The following ZFYVE16 variants were observed in gnomAD, a reference collection of about 807,000 sequenced individuals.
ZFYVE16 encodes zinc finger FYVE-type containing 16, also known as zinc finger FYVE domain-containing protein 16.
ZFYVE16 carries 89 observed loss-of-function variants against 138.1 expected under a neutral mutation model. The ratio of observed to expected loss-of-function variants is 0.64; its 90% CI spans 0.54 to 0.77. The LOEUF (loss-of-function observed/expected upper bound fraction) is 0.77. Among genes scored for constraint, ZFYVE16 ranks in the 30% least tolerant of loss-of-function variants. The probability of loss-of-function intolerance (pLI) is 0.00; values close to 1 mark genes in which losing one functional copy is unlikely to be tolerated. For missense variants in ZFYVE16, 1,793 were observed against 1,786.7 expected, an observed-to-expected ratio of 1.00 and a Z score of -0.06; for synonymous variants, 596 against 618.3, an observed-to-expected ratio of 0.96 and a Z score of 0.53.
At chr5:80,465,396 C>CTTTTTTTTTTTTTTTTTTTTTTT (rs1187412933) in intron 15 of ZFYVE16, among the ~76,000 whole-genome samples, 3 of 26,362 alleles carry the variant, frequency 1.1e-4, no homozygotes, top group African/African-American at 1.7e-4. Flanking sequence ...TTTTCCTTTT[C>CTTTTTTTTTTTTTTTTTTTTTTT]TTTGTTTTTT....
chr5:80,438,902 G>C lies in ZFYVE16; in HGVS notation c.2217G>C (p.Gln739His). The change falls in exon 4 of 19, where the codon CAG becomes CAC. Residue 739 changes from glutamine (Q) to histidine (H), a missense_variant. Transcript: ENST00000505560. Reference sequence around the variant, plus strand: ...GCAAAGAAGGCTTGGTTTTGGGCCAGAAACAGCCTACTTGGGTTCCTGATT... The same window carrying C: ...GCAAAGAAGGCTTGGTTTTGGGCCACAAACAGCCTACTTGGGTTCCTGATT... ...NTCKEGLVLG[Q>H]KQPTWVPDSE... is the part of the protein sequence containing the mutation. 2 of 1,614,100 alleles carry C rather than the reference G, an allele frequency of 1.2e-6. No homozygotes were observed. The highest frequency in any genetic ancestry group is 8.5e-7 in the Non-Finnish European group (1 of 1,179,960).
chr5:80,420,031 T>C (rs988460001), intron 1 of ZFYVE16, among the ~76,000 whole-genome samples: 4 of 151,144 alleles, frequency 2.6e-5, no homozygotes, highest in African/African-American at 7.3e-5. Context: ...AAGCTGGTCT[T>C]GAACTCCTGA....
chr5:80,407,836 A>G (rs924223544), upstream of ZFYVE16, among the ~76,000 whole-genome samples: 3 of 152,194 alleles, frequency 2.0e-5, no homozygotes, highest in Non-Finnish European at 4.4e-5. Flanking sequence ...CTAAGGTCGA[A>G]TCATCAGGCG....
intron 2 of ZFYVE16, among the ~76,000 whole-genome samples, chr5:80,433,435 C>G (rs926505684): frequency 6.6e-6 from 1 of 151,980 alleles, no homozygotes; most frequent in East Asian, 1.9e-4. Context: ...CAGGGCCTGT[C>G]GTGGTGTGGG....
chr5:80,453,302 C>T (rs1412302804), intron 11 of ZFYVE16, among the ~76,000 whole-genome samples: 2 of 152,178 alleles, frequency 1.3e-5, no homozygotes, highest in African/African-American at 4.8e-5. Context: ...TAAGAAATTT[C>T]ACTTTAAGCC....
intron 11 of ZFYVE16, chr5:80,454,474 T>G (rs1241554004): frequency 6.6e-6 from 1 of 152,250 alleles, no homozygotes; most frequent in Non-Finnish European, 1.5e-5. Context: ...CTTCCCTTTT[T>G]GTGCATTGGT....
At chr5:80,454,099 A>C (rs1045970816) in intron 11 of ZFYVE16, 3 of 152,172 alleles carry the variant, frequency 2.0e-5, no homozygotes, top group Admixed American at 2.0e-4. Flanking sequence ...TTTCAAATCT[A>C]GACCCTCTGT....
intron 11 of ZFYVE16, among the ~76,000 whole-genome samples, chr5:80,453,593 A>T (rs1561305627): frequency 6.6e-6 from 1 of 152,240 alleles, no homozygotes. Context: ...TGTCAGTTAT[A>T]CATAGAAGTT....
intron 14 of ZFYVE16, among the ~76,000 whole-genome samples, chr5:80,458,217 A>T (rs1752735557): frequency 6.6e-6 from 1 of 152,072 alleles, no homozygotes; most frequent in Non-Finnish European, 1.5e-5. Context: ...TGCCACTAAA[A>T]TTTAACAATT....
rs777392872 is a variant in ZFYVE16 at position 80,438,696 on chromosome 5, C to T, written c.2011C>T (p.Pro671Ser). ...SSKDLNKPDV[P>S]DTIESEPSTA... Reference sequence around the variant, plus strand: ...AAAGGACCTGAATAAGCCAGATGTTCCAGATACAATAGAAAGTGAACCCAG... The same window carrying T: ...AAAGGACCTGAATAAGCCAGATGTTTCAGATACAATAGAAAGTGAACCCAG... The change falls in exon 4 of 19, where the codon CCA becomes TCA. Residue 671 changes from proline to serine, a missense_variant. Pro to Ser is a moderately conservative substitution (Grantham distance 74). This residue lies in a region of ZFYVE16 where 1,295 missense variants were observed against 1,204.3 expected (regional missense o/e 1.08). Transcript: ENST00000505560. 1 of 1,614,062 alleles carries T rather than the reference C, an allele frequency of 6.2e-7. No individual in the cohort carries two copies. Among genetic ancestry groups the T allele is most frequent in the Non-Finnish European group, 8.5e-7 (1 of 1,179,964 alleles).
chr5:80,428,615 T>C lies in ZFYVE16; in HGVS notation c.-40+1070T>C, dbSNP rs1269967967. On this transcript the variant is annotated intron_variant, in intron 2 of 18. Transcript: ENST00000505560. The stretch of plus-strand genomic sequence containing the variant: ...AACAAAGCTGGACAGAGAATGACTT[T>C]GATGAGTTGAGAGAAGAAGGCTTCA... Among the ~76,000 whole-genome samples, 6 of 152,230 alleles carry C rather than the reference T, an allele frequency of 3.9e-5. No individual in the cohort carries two copies. In the South Asian group the frequency reaches 6.2e-4, roughly 16 times the overall value.
chr5:80,438,738 GTT>G lies in ZFYVE16; in HGVS notation c.2054_2055del (p.Val685AlafsTer11). On this transcript the variant is annotated frameshift_variant, in exon 4 of 19. Transcript: ENST00000505560. LOFTEE classifies it high-confidence loss of function. The stretch of plus-strand genomic sequence containing the variant: ...TGAACCCAGCACAGCAGATACCGTT[GTT>G]CCAATCACTTGTGCTATAGATTCTA... ...ESEPSTADTVVPITCAIDSTA... is the reference protein window; with the variant it reads ...ESEPSTADTVXPITCAIDSTA... The G allele has an allele frequency of 6.2e-7, 1 of 1,614,136 alleles. No individual in the cohort carries two copies. The highest frequency in any genetic ancestry group is 8.5e-7 in the Non-Finnish European group (1 of 1,179,988).
In ZFYVE16 at chr5:80,437,046, C is replaced by T. The variant is rs1410316756; in HGVS notation, c.361C>T (p.Arg121Ter). The part of the protein sequence containing the change: ...SDEIQPLYMG[R>*]CSKPICDLIS... ...TGAAATCCAGCCGTTATATATGGGA[C>T]GATGTAGTAAACCTATCTGTGATCT... is the stretch of plus-strand genomic sequence containing the variant. The change falls in exon 4 of 19, where the codon CGA becomes TGA. Residue 121 changes from arginine (R) to a stop codon, truncating the protein, a stop_gained. Coordinates refer to ENST00000505560, the MANE Select transcript of ZFYVE16 (RefSeq NM_001284236.3). LOFTEE classifies it high-confidence loss of function. The T allele has an allele frequency of 3.1e-6, 5 of 1,614,102 alleles. No individual in the cohort carries two copies. The highest frequency in any genetic ancestry group is 4.5e-5 in the East Asian group (2 of 44,870).
chr5:80,467,600 A>T (rs1350351865), intron 15 of ZFYVE16, among the ~76,000 whole-genome samples: 1 of 152,252 alleles, frequency 6.6e-6, no homozygotes, highest in Admixed American at 6.5e-5. Context: ...AGTTCAAAAA[A>T]GCCACATAAC....
At chr5:80,436,418 C>T (rs1179830313) in intron 3 of ZFYVE16, among the ~76,000 whole-genome samples, 1 of 152,148 alleles carries the variant, frequency 6.6e-6, no homozygotes, top group Non-Finnish European at 1.5e-5. Flanking sequence ...TTCGTTTATG[C>T]AGTCAGTTAG....
rs1303270551 is a variant in ZFYVE16 at position 80,478,288 on chromosome 5, T to G, written c.*911T>G. The G allele has an allele frequency of 6.6e-6, 1 of 152,074 alleles. No homozygotes were observed. The highest frequency in any genetic ancestry group is 2.4e-5 in the African/African-American group (1 of 41,428). The allele number at this position is 152,074 out of a possible 1,614,324, so 9.4% of individuals were successfully genotyped here. ...AGCAATAAATGAAGCCTGAAACAGG[T>G]TTTTTTACTTCCACTTTAATCCTTA... On this transcript the variant is annotated 3_prime_UTR_variant, in exon 19 of 19. Coordinates refer to ENST00000505560, the MANE Select transcript of ZFYVE16 (RefSeq NM_001284236.3).
At position 80,466,328 on chromosome 5, in the gene ZFYVE16, T is replaced by C. The variant is rs372562842; in HGVS notation, c.4025-6433T>C. On this transcript the variant is annotated intron_variant, in intron 15 of 18. Transcript: ENST00000505560. Reference sequence around the variant, plus strand: ...CATCAGACTGGGTAGTCTTAGTTGGTCTGTTTTCAAATTCACAAATTCTTC... The same window carrying C: ...CATCAGACTGGGTAGTCTTAGTTGGCCTGTTTTCAAATTCACAAATTCTTC... 3.3e-5 allele frequency among the ~76,000 whole-genome samples: 5 copies of C among 152,346 alleles called. No individual in the cohort carries two copies. In the East Asian group the frequency reaches 9.6e-4, roughly 29 times the overall value.
At chr5:80,450,297 A>G (rs138089711) in intron 9 of ZFYVE16, 134 bp from the exon 10 acceptor site, 58 of 788,888 alleles carry the variant, frequency 7.4e-5, no homozygotes, top group Non-Finnish European at 1.1e-4. Context: ...ATACAATTCA[A>G]TTTAAGGTTT....
Position 80,416,247 on chromosome 5 carries a change from A to ATTTTTT in ZFYVE16, c.-94+8115_-94+8120dup, listed in dbSNP as rs70988469. Among the ~76,000 whole-genome samples the ATTTTTT allele has an allele frequency of 3.9e-3, 286 of 73,332 alleles. 16 individuals are homozygous for ATTTTTT. Among genetic ancestry groups the ATTTTTT allele is most frequent in the African/African-American group, 0.011 (222 of 20,710 alleles). The allele number at this position is 73,332 out of a possible 152,430, so 48.1% of individuals were successfully genotyped here. A position where few individuals can be genotyped will look rare whatever the true frequency, so the allele number is the denominator to read the frequency against. On this transcript the variant is annotated intron_variant, in intron 1 of 18. Coordinates refer to ENST00000505560, the MANE Select transcript of ZFYVE16 (RefSeq NM_001284236.3). ...TACTTACGTCAGTATGAATACATAG[A>ATTTTTT]TTTTTTTTTTTTTTTTTTTTTTTTT...
Sources: gnomAD v4.1 joint callset for allele counts (sites outside exome capture counted in the v4.1 genomes callset) on GRCh38, gnomAD v4.1.1 for gene constraint, gnomAD v4.1.1 regional missense constraint, MANE v1.5 for transcripts, NCBI Gene and HGNC (gene_info 2026-07-23, HGNC 2026-07-21) for gene names.